Variants in COL22A1 observed in about 807,000 individuals in gnomAD.
COL22A1 encodes collagen alpha-1(XXII) chain.
A neutral mutation model predicts 248.9 loss-of-function variants in COL22A1; 221 were observed. The ratio of observed to expected loss-of-function variants is 0.89; its 90% CI spans 0.80 to 0.99. The LOEUF is 0.99. Among genes scored for constraint, COL22A1 ranks in the 50% least tolerant of loss-of-function variants. The pLI is 0.00. For missense variants in COL22A1, 2,240 were observed against 2,179.0 expected (o/e 1.03, Z -0.56); for synonymous variants, 891 against 793.4 (o/e 1.12, Z -2.07).
chr8:138,685,130 A>C lies in COL22A1; in HGVS notation c.2967+78T>G, dbSNP rs528125675. On this transcript the variant is annotated intron_variant, in intron 38 of 64. Transcript: ENST00000303045. ...CGGTTCAATTTCTGCAAAGTTTGGC[A>C]GTTAGATTTTTTTCCTTTTCCTTCT... The C allele has an allele frequency of 1.5e-4, 153 of 1,006,068 alleles. No homozygotes were observed. The African/African-American group carries it at 2.1e-3, about 14-fold the overall frequency. 62.3% of individuals were successfully genotyped at this position (1,006,068 alleles called of 1,614,324 possible).
At chr8:138,868,256 C>A (rs1004887799) in intron 3 of COL22A1, among the ~76,000 whole-genome samples, 4 of 152,110 alleles carry the variant, frequency 2.6e-5, no homozygotes, top group Non-Finnish European at 5.9e-5. Context: ...ATCCTGTGAT[C>A]CTCTCATACA....
rs569927257 is a variant in COL22A1 at position 138,716,046 on chromosome 8, C to T, written c.2463+181G>A. Among the ~76,000 whole-genome samples, 5 of 152,288 alleles carry T rather than the reference C, an allele frequency of 3.3e-5. No individual in the cohort carries two copies. In the South Asian group the frequency reaches 8.3e-4, roughly 25 times the overall value. ...ACATCTCCCAGCAATGGTCCTTTGT[C>T]CCAGCTCAAGGACCCAAGTAGTCTT... On this transcript the variant is annotated intron_variant, in intron 29 of 64. Coordinates refer to ENST00000303045, the MANE Select transcript of COL22A1 (RefSeq NM_152888.3).
intron 52 of COL22A1, among the ~76,000 whole-genome samples, chr8:138,622,646 T>G (rs1003164381): frequency 2.6e-5 from 4 of 152,148 alleles, no homozygotes; most frequent in Non-Finnish European, 5.9e-5. Context: ...TTATGGAGTC[T>G]TCCAGAGTTC....
chr8:138,604,921 C>G, intron 58 of COL22A1, 152 bp from the exon 59 acceptor site: 2 of 766,760 alleles, frequency 2.6e-6, no homozygotes, highest in Admixed American at 2.1e-5. Context: ...CAGACAGGCT[C>G]TCTGGCCAGC....
chr8:138,662,150 T>C lies in COL22A1; in HGVS notation c.3187-67A>G. 6 of 1,306,704 alleles carry C rather than the reference T, an allele frequency of 4.6e-6. No homozygotes were observed. The South Asian group carries it at 6.3e-5, about 14-fold the overall frequency. The allele number at this position is 1,306,704 out of a possible 1,614,324, so 80.9% of individuals were successfully genotyped here. A position where few individuals can be genotyped will look rare whatever the true frequency, so the allele number is the denominator to read the frequency against. On this transcript the variant is annotated intron_variant, in intron 42 of 64. Transcript: ENST00000303045. Reference sequence around the variant, plus strand: ...TAAGCAAATAAGGACACACCCTCCTTGGCAATAGTTGGCTCTCCTTCAACA... The same window carrying C: ...TAAGCAAATAAGGACACACCCTCCTCGGCAATAGTTGGCTCTCCTTCAACA...
intron 40 of COL22A1, among the ~76,000 whole-genome samples, chr8:138,677,161 A>G (rs1825626963): frequency 6.6e-6 from 1 of 152,242 alleles, no homozygotes; most frequent in African/African-American, 2.4e-5. Context: ...CATAGTTAAC[A>G]GTGTGGACGT....
At chr8:138,658,610 A>T (rs867956313) in intron 44 of COL22A1, among the ~76,000 whole-genome samples, 1 of 152,200 alleles carries the variant, frequency 6.6e-6, no homozygotes, top group South Asian at 2.1e-4. Context: ...GGAAGCTTGT[A>T]TTGGTCTTTC....
chr8:138,727,069 C>T (rs79219845), intron 23 of COL22A1, among the ~76,000 whole-genome samples: 6,067 of 152,148 alleles, frequency 0.04, 403 homozygotes, highest in African/African-American at 0.14. Flanking sequence ...ATAGTCCTCA[C>T]GCAGGGACCC....
At chr8:138,606,334 C>T (rs1426918524) in intron 58 of COL22A1, 47 bp downstream of exon 58, 3 of 1,510,016 alleles carry the variant, frequency 2.0e-6, no homozygotes, top group Non-Finnish European at 2.7e-6. Flanking sequence ...GTGAACATCA[C>T]TACCTGGAGC....
chr8:138,881,073 C>T (rs908899399), intron 2 of COL22A1, among the ~76,000 whole-genome samples: 7 of 152,166 alleles, frequency 4.6e-5, no homozygotes, highest in African/African-American at 1.7e-4. Flanking sequence ...CTATGCCACT[C>T]CTGGCAGGTG....
At chr8:138,724,718 G>A (rs1310745323) in intron 24 of COL22A1, 50 bp from the exon 25 acceptor site, 1 of 1,564,208 alleles carries the variant, frequency 6.4e-7, no homozygotes, top group East Asian at 2.2e-5. Flanking sequence ...TCAGAGATCA[G>A]ATCATTGACT....
At chr8:138,857,290 C>A (rs1306497169) in intron 3 of COL22A1, among the ~76,000 whole-genome samples, 1 of 152,196 alleles carries the variant, frequency 6.6e-6, no homozygotes, top group East Asian at 1.9e-4. Context: ...TCTGCCCCCA[C>A]AGGCCCTACA....
At chr8:138,913,036 G>T (rs1815564963) in intron 1 of COL22A1, among the ~76,000 whole-genome samples, 2 of 151,982 alleles carry the variant, frequency 1.3e-5, no homozygotes, top group African/African-American at 2.4e-5. Flanking sequence ...TTGGGGGAAG[G>T]ACAAAAACAC....
At chr8:138,866,500 T>C (rs549857744) in intron 3 of COL22A1, among the ~76,000 whole-genome samples, 118 of 152,384 alleles carry the variant, frequency 7.7e-4, no homozygotes, top group African/African-American at 2.7e-3. Context: ...TATTTAATTG[T>C]CGCCACTCTA....
chr8:138,712,249 T>C (rs995578617), intron 30 of COL22A1, among the ~76,000 whole-genome samples: 1 of 152,186 alleles, frequency 6.6e-6, no homozygotes, highest in African/African-American at 2.4e-5. Context: ...AGGCCAGCAT[T>C]ATGGGTCCAA....
intron 41 of COL22A1, among the ~76,000 whole-genome samples, 192 bp from the exon 42 acceptor site, chr8:138,663,932 C>G (rs1157403550): frequency 6.6e-6 from 1 of 151,952 alleles, no homozygotes; most frequent in Non-Finnish European, 1.5e-5. Flanking sequence ...GAAAATCTCT[C>G]TGGAAGCTCC....
chr8:138,683,542 A>G (rs1411120233), intron 39 of COL22A1, among the ~76,000 whole-genome samples: 1 of 152,094 alleles, frequency 6.6e-6, no homozygotes, highest in African/African-American at 2.4e-5. Context: ...GACTGTCACT[A>G]GGTGTTGGTG....
intron 10 of COL22A1, among the ~76,000 whole-genome samples, chr8:138,805,872 G>A (rs1053864514): frequency 6.7e-6 from 1 of 148,986 alleles, no homozygotes; most frequent in Non-Finnish European, 1.5e-5. Context: ...GTGAGATGGT[G>A]TGTTTGTGTG....
At chr8:138,689,167 G>GC (rs972009949) in intron 36 of COL22A1, among the ~76,000 whole-genome samples, 197 bp from the exon 37 acceptor site, 2 of 151,506 alleles carry the variant, frequency 1.3e-5, no homozygotes, top group African/African-American at 4.8e-5. Context: ...CCGGGGGGGG[G>GC]GCTGGCCTTG....
Sources: allele counts gnomAD v4.1 joint callset (sites outside exome capture counted in the v4.1 genomes callset), GRCh38; gene constraint gnomAD v4.1.1; transcripts MANE v1.5; gene names NCBI Gene and HGNC (gene_info 2026-07-23, HGNC 2026-07-21).